Variants in POU6F2 observed in about 807,000 individuals in gnomAD.
POU6F2 encodes POU class 6 homeobox 2, also known as POU domain, class 6, transcription factor 2.
A neutral mutation model predicts 71.3 loss-of-function variants in POU6F2; 31 were observed. The observed-to-expected ratio is 0.43, with a 90% CI of 0.33 to 0.59. The LOEUF is 0.59. Among genes scored for constraint, POU6F2 ranks in the 20% least tolerant of loss-of-function variants. The probability of loss-of-function intolerance (pLI) is 0.04; values close to 1 mark genes in which losing one functional copy is unlikely to be tolerated. For synonymous variants in POU6F2, 347 were observed against 355.7 expected (o/e 0.98, Z 0.27); for missense variants, 783 against 856.8 (o/e 0.91, Z 1.07).
chr7:39,376,178 A>G (rs773723756), intron 5 of POU6F2, among the ~76,000 whole-genome samples: 6 of 152,150 alleles, frequency 3.9e-5, no homozygotes, highest in Admixed American at 1.3e-4. Context: ...TTCATTTTCA[A>G]TGTATTGCAA....
intron 4 of POU6F2, among the ~76,000 whole-genome samples, chr7:39,244,557 C>T (rs558479019): frequency 4.8e-4 from 73 of 152,280 alleles, no homozygotes; most frequent in African/African-American, 1.6e-3. Context: ...TTATTGGTAG[C>T]TCCTTTTCCC....
At chr7:39,211,022 A>T (rs1794133341) in intron 4 of POU6F2, among the ~76,000 whole-genome samples, 2 of 152,068 alleles carry the variant, frequency 1.3e-5, no homozygotes, top group South Asian at 4.1e-4. Context: ...TGGTTCATAG[A>T]TGTCTGTCTT....
At chr7:39,407,030 T>C (rs1282560309) in intron 6 of POU6F2, among the ~76,000 whole-genome samples, 1 of 152,118 alleles carries the variant, frequency 6.6e-6, no homozygotes, top group East Asian at 1.9e-4. Flanking sequence ...ACAGGGGGCA[T>C]TCTTTCAAAA....
At chr7:39,410,120 G>A (rs1290982388) in intron 6 of POU6F2, among the ~76,000 whole-genome samples, 1 of 152,212 alleles carries the variant, frequency 6.6e-6, no homozygotes, top group African/African-American at 2.4e-5. Flanking sequence ...GGCCAAGGCA[G>A]GTGGATCACT....
At chr7:39,077,247 G>T (rs1005484489) in intron 1 of POU6F2, among the ~76,000 whole-genome samples, 6 of 152,174 alleles carry the variant, frequency 3.9e-5, no homozygotes, top group Admixed American at 2.0e-4. Flanking sequence ...GTCAATACCA[G>T]TGTCTCCCTT....
chr7:39,085,581 T>G (rs1440641009), intron 1 of POU6F2, among the ~76,000 whole-genome samples: 3 of 152,064 alleles, frequency 2.0e-5, no homozygotes, highest in Non-Finnish European at 2.9e-5. Flanking sequence ...AAAGAAGTTT[T>G]TTTTTTTTTT....
At chr7:39,392,946 G>A (rs907938252) in intron 5 of POU6F2, among the ~76,000 whole-genome samples, 1 of 152,128 alleles carries the variant, frequency 6.6e-6, no homozygotes, top group Non-Finnish European at 1.5e-5. Flanking sequence ...TTCCATCAGT[G>A]ATTCCCTGCT....
In POU6F2 at chr7:39,031,042, A is replaced by G. The variant is rs534815801; in HGVS notation, c.105+52984A>G. On this transcript the variant is annotated intron_variant, in intron 1 of 9. Coordinates refer to ENST00000518318, the MANE Select transcript of POU6F2 (RefSeq NM_001370959.1). The stretch of plus-strand genomic sequence containing the variant: ...CAGCCTCATGAGTAGCTGGGATTAC[A>G]GGTGCCCACCACCGCGTCTGGCTAA... Among the ~76,000 whole-genome samples, 67 of 152,122 alleles carry G rather than the reference A, an allele frequency of 4.4e-4. 1 individual carries two copies. The South Asian group carries it at 0.012, about 28-fold the overall frequency.
intron 4 of POU6F2, among the ~76,000 whole-genome samples, chr7:39,332,067 G>C (rs1785666003): frequency 6.6e-6 from 1 of 152,054 alleles, no homozygotes; most frequent in South Asian, 2.1e-4. Flanking sequence ...CTTCAGCATT[G>C]AATCCAACAG....
chr7:39,439,137 T>G (rs1788325003), intron 7 of POU6F2, among the ~76,000 whole-genome samples: 1 of 152,172 alleles, frequency 6.6e-6, no homozygotes, highest in Non-Finnish European at 1.5e-5. Flanking sequence ...TTTTGATCTT[T>G]GCTGGTTTAA....
At position 39,209,614 on chromosome 7, in the gene POU6F2, G is replaced by C. The variant is rs1407806398; in HGVS notation, c.598+1994G>C. On this transcript the variant is annotated intron_variant, in intron 4 of 9. Transcript: ENST00000518318. The stretch of plus-strand genomic sequence containing the variant: ...TAACGAGAAGTTCAAGGGCAATAAG[G>C]ATGGTAATCAGGAAAGTCTCATGCC... Among the ~76,000 whole-genome samples, 3 of 152,200 alleles carry C rather than the reference G, an allele frequency of 2.0e-5. No homozygotes were observed. In the East Asian group the frequency reaches 5.8e-4, roughly 29 times the overall value.
At chr7:39,268,674 T>G (rs1400244391) in intron 4 of POU6F2, among the ~76,000 whole-genome samples, 1 of 152,220 alleles carries the variant, frequency 6.6e-6, no homozygotes, top group Non-Finnish European at 1.5e-5. Context: ...ACACTCACGC[T>G]CATGGAAAAA....
rs551749674 is a variant in POU6F2 at position 39,339,193 on chromosome 7, T to A, written c.599-449T>A. ...CCATTAATGATATTGATGATGGATG[T>A]AAAGGCAATTGCAAACAATTGGTTT... On this transcript the variant is annotated intron_variant, in intron 4 of 9. Coordinates refer to ENST00000518318, the MANE Select transcript of POU6F2 (RefSeq NM_001370959.1). Among the ~76,000 whole-genome samples the A allele has an allele frequency of 5.4e-3, 826 of 152,316 alleles. 7 individuals are homozygous for A. The highest frequency in any genetic ancestry group is 0.017 in the African/African-American group (702 of 41,568).
At chr7:39,346,107 AC>A (rs1277250158) in intron 5 of POU6F2, among the ~76,000 whole-genome samples, 1 of 151,910 alleles carries the variant, frequency 6.6e-6, no homozygotes, top group South Asian at 2.1e-4. Context: ...CCTTTAAAAA[AC>A]TCTCAGTTCA....
chr7:39,260,262 C>G (rs1260019727), intron 4 of POU6F2, among the ~76,000 whole-genome samples: 1 of 147,634 alleles, frequency 6.8e-6, no homozygotes, highest in Non-Finnish European at 1.5e-5. Flanking sequence ...CACACACACT[C>G]CATACCATGC....
intron 4 of POU6F2, among the ~76,000 whole-genome samples, chr7:39,234,002 A>G (rs1056566924): frequency 1.3e-5 from 2 of 152,098 alleles, no homozygotes; most frequent in African/African-American, 2.4e-5. Flanking sequence ...TGGGCCTTCT[A>G]TCCTGCTTGT....
chr7:39,243,546 G>GA (rs1053740811), intron 4 of POU6F2, among the ~76,000 whole-genome samples: 15 of 151,946 alleles, frequency 9.9e-5, no homozygotes, highest in Non-Finnish European at 1.8e-4. Context: ...AGCAAACAAA[G>GA]AAAAAATATA....
Position 39,467,550 on chromosome 7 carries a change from G to A in POU6F2, c.*2864G>A, listed in dbSNP as rs1789099931. The A allele has an allele frequency of 1.3e-5, 2 of 152,126 alleles. No individual in the cohort carries two copies. The highest frequency in any genetic ancestry group is 1.5e-5 in the Non-Finnish European group (1 of 68,014). 9.4% of individuals were successfully genotyped at this position (152,126 alleles called of 1,614,324 possible). The stretch of plus-strand genomic sequence containing the variant: ...ACATAATTTTTAATTATTGTTATCT[G>A]CATTTTCATTACTTCATGAAAAAAT... On this transcript the variant is annotated 3_prime_UTR_variant, in exon 10 of 10. Coordinates refer to ENST00000518318, the MANE Select transcript of POU6F2 (RefSeq NM_001370959.1).
At chr7:39,259,549 C>G (rs547619183) in intron 4 of POU6F2, among the ~76,000 whole-genome samples, 15 of 152,270 alleles carry the variant, frequency 9.9e-5, no homozygotes, top group Non-Finnish European at 1.8e-4. Context: ...CCACATTCCT[C>G]CTTGAGCACG....
Sources: allele counts gnomAD v4.1 joint callset (sites outside exome capture counted in the v4.1 genomes callset), GRCh38; gene constraint gnomAD v4.1.1; transcripts MANE v1.5; gene names NCBI Gene and HGNC (gene_info 2026-07-23, HGNC 2026-07-21).